The following NSD2 variants were observed in gnomAD, a reference collection of about 807,000 sequenced individuals.
NSD2 encodes the protein nuclear receptor binding SET domain protein 2.
A neutral mutation model predicts 139.0 loss-of-function variants in NSD2; 12 were observed. The observed-to-expected ratio is 0.09, with a 90% confidence interval of 0.06 to 0.14. NSD2 has a LOEUF of 0.14. Ranked by LOEUF, NSD2 falls within the 10% of genes least tolerant of loss-of-function variation. NSD2 has a pLI of 1.00. For missense variants in NSD2, 1,155 were observed against 1,745.0 expected (o/e 0.66, Z 6.02); for synonymous variants, 669 against 648.7 (o/e 1.03, Z -0.48).
chr4:1,928,417 A>C (rs947272694), intron 5 of NSD2, among the ~76,000 whole-genome samples: 14 of 152,216 alleles, frequency 9.2e-5, no homozygotes, highest in Admixed American at 8.5e-4. Flanking sequence ...AAGTAGGAGA[A>C]TTGGGACCTG....
intron 18 of NSD2, among the ~76,000 whole-genome samples, chr4:1,962,241 AAAG>A (rs1725444172): frequency 1.3e-5 from 2 of 151,964 alleles, no homozygotes; most frequent in Non-Finnish European, 2.9e-5. Flanking sequence ...TACACCTTTC[AAAG>A]AAGTCAGTGT....
intron 18 of NSD2, among the ~76,000 whole-genome samples, chr4:1,971,782 C>T (rs1726509477): frequency 6.6e-6 from 1 of 152,182 alleles, no homozygotes; most frequent in Admixed American, 6.5e-5. Context: ...GGCTTAACAA[C>T]CCTATCAGGT....
chr4:1,871,417 C>T lies in NSD2; in HGVS notation c.-155C>T, dbSNP rs890915124. On this transcript the variant is annotated 5_prime_UTR_variant, in exon 1 of 22. Coordinates refer to ENST00000508803, the MANE Select transcript of NSD2 (RefSeq NM_001042424.3). ...CGGCGCCGCGCGCGAGAGCCTCGGC[C>T]TGGCCGCGCTGCGCCCGCCGCCGCC... is the stretch of plus-strand genomic sequence containing the variant. The T allele has an allele frequency of 1.4e-5, 2 of 142,452 alleles. No homozygotes were observed. Among genetic ancestry groups the T allele is most frequent in the African/African-American group, 5.0e-5 (2 of 40,034 alleles). The allele number at this position is 142,452 out of a possible 1,614,324, so 8.8% of individuals were successfully genotyped here.
chr4:1,938,441 T>TTAA lies in NSD2; in HGVS notation c.1675-10_1675-9insTAA. Reference sequence around the variant, plus strand: ...CTTTTTTTTTTTTTTTTTTTTTTTTTAAATAATAGAGAGACACAATCACTG... The same window carrying TTAA: ...CTTTTTTTTTTTTTTTTTTTTTTTTTTAAAAATAATAGAGAGACACAATCACTG... On this transcript the variant is annotated splice_polypyrimidine_tract_variant and intron_variant, in intron 7 of 21. Coordinates refer to ENST00000508803, the MANE Select transcript of NSD2 (RefSeq NM_001042424.3). 9.2e-7 allele frequency: 1 copy of TTAA among 1,091,092 alleles called. No individual in the cohort carries two copies. Among genetic ancestry groups the TTAA allele is most frequent in the Non-Finnish European group, 1.3e-6 (1 of 780,466 alleles). 67.6% of individuals were successfully genotyped at this position (1,091,092 alleles called of 1,614,324 possible).
chr4:1,883,115 C>T (rs1454138446), intron 1 of NSD2, among the ~76,000 whole-genome samples: 1 of 152,082 alleles, frequency 6.6e-6, no homozygotes, highest in African/African-American at 2.4e-5. Flanking sequence ...AGTTCTGGTG[C>T]CAGTGATAGC....
chr4:1,957,797 C>G (rs551921535), intron 15 of NSD2, 136 bp from the exon 16 acceptor site: 2 of 814,618 alleles, frequency 2.5e-6, no homozygotes, highest in East Asian at 5.4e-5. Context: ...GACAGTTGTT[C>G]ATAGACTCTA....
At chr4:1,947,427 C>A (rs1030972912) in intron 9 of NSD2, 6 of 1,059,598 alleles carry the variant, frequency 5.7e-6, no homozygotes, top group Non-Finnish European at 5.7e-6. Context: ...GGAGTGGAGA[C>A]TTCCTCTGTT....
At chr4:1,929,197 CAA>C (rs1721327573) in intron 5 of NSD2, among the ~76,000 whole-genome samples, 1 of 151,822 alleles carries the variant, frequency 6.6e-6, no homozygotes, top group East Asian at 1.9e-4. Context: ...ATCCAGGCAA[CAA>C]GAGGGCAACA....
intron 9 of NSD2, chr4:1,947,375 T>G: frequency 9.4e-7 from 1 of 1,061,736 alleles, no homozygotes. Context: ...CACAAAAGCC[T>G]GTGCAGGTTA....
chr4:1,963,683 A>G (rs1328497817), intron 18 of NSD2, among the ~76,000 whole-genome samples: 1 of 152,208 alleles, frequency 6.6e-6, no homozygotes, highest in Non-Finnish European at 1.5e-5. Context: ...CACATGAGAG[A>G]CATTTAAGCA....
chr4:1,904,957 C>T (rs926636067), intron 3 of NSD2, among the ~76,000 whole-genome samples: 8 of 152,076 alleles, frequency 5.3e-5, no homozygotes, highest in East Asian at 1.9e-4. Context: ...ATGGTCAAAC[C>T]GCGTCTCTAC....
intron 6 of NSD2, among the ~76,000 whole-genome samples, chr4:1,931,145 C>A (rs1158620298): frequency 6.6e-6 from 1 of 152,100 alleles, no homozygotes; most frequent in African/African-American, 2.4e-5. Context: ...AGCCTTCAGG[C>A]CTGTGACTTC....
intron 5 of NSD2, 181 bp downstream of exon 5, chr4:1,918,804 C>A: frequency 1.2e-6 from 1 of 815,546 alleles, no homozygotes; most frequent in Non-Finnish European, 1.8e-6. Context: ...AAAAGATACT[C>A]GACTTGCACT....
chr4:1,974,802 T>A lies in NSD2; in HGVS notation c.3373-61T>A, dbSNP rs370122974. ...CAATGTGCTTTATGATGGTGAAAAT[T>A]CCCTTTAAAAATAACATGCGATTGC... is the stretch of plus-strand genomic sequence containing the variant. On this transcript the variant is annotated intron_variant, in intron 18 of 21. Coordinates refer to ENST00000508803, the MANE Select transcript of NSD2 (RefSeq NM_001042424.3). The surrounding 1 kb of genome is among the most constrained non-coding windows in gnomAD (Gnocchi z 4.0). 1.1e-5 allele frequency: 18 copies of A among 1,607,388 alleles called. No individual in the cohort carries two copies. In the African/African-American group the frequency reaches 1.9e-4, roughly 17 times the overall value.
At chr4:1,978,573 C>G (rs1727379652) in intron 21 of NSD2, 65 bp from the exon 22 acceptor site, 92 of 1,543,460 alleles carry the variant, frequency 6.0e-5, no homozygotes, top group Non-Finnish European at 7.9e-5. Flanking sequence ...TCATCTTCAA[C>G]CACGATAATG....
At chr4:1,884,834 C>T (rs1714959057) in intron 1 of NSD2, among the ~76,000 whole-genome samples, 1 of 151,884 alleles carries the variant, frequency 6.6e-6, no homozygotes, top group Non-Finnish European at 1.5e-5. Flanking sequence ...CTGGGCTGGG[C>T]GTGGTGGCTC....
rs1476915399 is a variant in NSD2, at chr4:1,979,478, C to A, written c.*569C>A. ...TGTGAATTGTTCCTCAGAAACGCTT[C>A]TTTTCCATCCTAGTGAGAAGCTGGC... On this transcript the variant is annotated 3_prime_UTR_variant, in exon 22 of 22. Transcript: ENST00000508803. The A allele has an allele frequency of 8.6e-6, 2 of 233,174 alleles. No homozygotes were observed. Among genetic ancestry groups the A allele is most frequent in the Non-Finnish European group, 1.7e-5 (2 of 118,072 alleles). The allele number at this position is 233,174 out of a possible 1,614,324, so 14.4% of individuals were successfully genotyped here.
At chr4:1,874,790 C>G (rs901839730) in intron 1 of NSD2, among the ~76,000 whole-genome samples, 2 of 151,994 alleles carry the variant, frequency 1.3e-5, no homozygotes, top group East Asian at 3.8e-4. Flanking sequence ...ACACAGAATA[C>G]GAAAGAGGAG....
rs149141253 is a variant in NSD2, at chr4:1,921,018, A to G, written c.1410+2395A>G. ...ATGCCATTGCACTCTAGTCTGGGCC[A>G]CAGAGTGAGACCCTGTCTTAAACAA... On this transcript the variant is annotated intron_variant, in intron 5 of 21. Transcript: ENST00000508803. Among the ~76,000 whole-genome samples the G allele has an allele frequency of 8.0e-3, 1,216 of 152,348 alleles. 22 individuals are homozygous for G. Among genetic ancestry groups the G allele is most frequent in the African/African-American group, 0.027 (1,141 of 41,576 alleles).
Sources: gnomAD v4.1 joint callset for allele counts (sites outside exome capture counted in the v4.1 genomes callset) on GRCh38, gnomAD v4.1.1 for gene constraint, Gnocchi (gnomAD v3.1) non-coding constraint, MANE v1.5 for transcripts, NCBI Gene and HGNC (gene_info 2026-07-23, HGNC 2026-07-21) for gene names.